ATXN1: variants seen among roughly 807,000 people sequenced by gnomAD.
ATXN1 encodes the protein ataxin 1.
In ATXN1, 8 loss-of-function variants were observed where a neutral mutation model predicts 56.4. That is an observed-to-expected ratio of 0.14 (90% CI 0.08 to 0.26). The LOEUF (loss-of-function observed/expected upper bound fraction) is 0.26, where lower values mean the gene tolerates loss of function less well. ATXN1 is among the 10% of genes least tolerant of loss of function. The pLI is 1.00. For missense variants in ATXN1, 987 were observed against 1,106.5 expected (o/e 0.89, Z 1.53); for synonymous variants, 514 against 494.6 (o/e 1.04, Z -0.52).
At chr6:16,689,948 A>G (rs1219874941) in intron 2 of ATXN1, among the ~76,000 whole-genome samples, 2 of 152,104 alleles carry the variant, frequency 1.3e-5, no homozygotes, top group Non-Finnish European at 2.9e-5. Context: ...TTTTTGACAA[A>G]TTCCTCATTT....
At chr6:16,704,247 C>A (rs1759357127) in intron 2 of ATXN1, among the ~76,000 whole-genome samples, 1 of 152,164 alleles carries the variant, frequency 6.6e-6, no homozygotes, top group African/African-American at 2.4e-5. Context: ...AGTACAGTTT[C>A]CATTTCTACT....
intron 1 of ATXN1, among the ~76,000 whole-genome samples, chr6:16,756,716 G>T (rs1414901653): frequency 2.0e-5 from 3 of 152,148 alleles, no homozygotes; most frequent in Admixed American, 2.0e-4. Flanking sequence ...CTTTACCGAT[G>T]CAAGTATTTA....
intron 3 of ATXN1, among the ~76,000 whole-genome samples, chr6:16,650,608 T>C (rs1429468229): frequency 6.6e-6 from 1 of 152,252 alleles, no homozygotes; most frequent in African/African-American, 2.4e-5. Flanking sequence ...AGCTGCCTTC[T>C]TCCATATTTT....
rs780309552 is a variant in ATXN1, at chr6:16,669,294, G to A, written c.-614-11393C>T. 2.0e-5 allele frequency among the ~76,000 whole-genome samples: 3 copies of A among 152,078 alleles called. No homozygotes were observed. In the East Asian group the frequency reaches 5.8e-4, roughly 29 times the overall value. On this transcript the variant is annotated intron_variant, in intron 2 of 7. Transcript: ENST00000436367. The stretch of plus-strand genomic sequence containing the variant: ...TTGAATGGTGCATTTCCATTTGTAA[G>A]CTCCATTTATAGAATCACACAAGTT...
chr6:16,552,791 C>T (rs1761945414), intron 4 of ATXN1, among the ~76,000 whole-genome samples: 1 of 152,178 alleles, frequency 6.6e-6, no homozygotes, highest in South Asian at 2.1e-4. Flanking sequence ...CCTGCTGGTC[C>T]ATGTCAATGA....
chr6:16,757,539 A>G (rs1402188410), intron 1 of ATXN1, among the ~76,000 whole-genome samples: 1 of 152,322 alleles, frequency 6.6e-6, no homozygotes, highest in East Asian at 1.9e-4. Flanking sequence ...CCAGGCCACA[A>G]TGAATTTACC....
intron 5 of ATXN1, among the ~76,000 whole-genome samples, chr6:16,491,051 C>T (rs1224512486): frequency 1.3e-5 from 2 of 149,612 alleles, no homozygotes; most frequent in East Asian, 3.9e-4. Context: ...AGTAAAGTCC[C>T]TTGGATTTAG....
At chr6:16,478,631 T>C (rs1300284716) in intron 6 of ATXN1, among the ~76,000 whole-genome samples, 1 of 151,792 alleles carries the variant, frequency 6.6e-6, no homozygotes, top group African/African-American at 2.4e-5. Flanking sequence ...GCAGGGTGAG[T>C]TTTACAATGC....
chr6:16,691,105 G>C (rs968230846), intron 2 of ATXN1, among the ~76,000 whole-genome samples: 10 of 152,190 alleles, frequency 6.6e-5, no homozygotes, highest in African/African-American at 1.7e-4. Context: ...CCACCTTCAT[G>C]CATTCTGCAG....
chr6:16,729,825 T>C (rs1355280085), intron 2 of ATXN1, among the ~76,000 whole-genome samples: 1 of 152,182 alleles, frequency 6.6e-6, no homozygotes, highest in Non-Finnish European at 1.5e-5. Flanking sequence ...ACAGAGAAAA[T>C]GGCCCTCTGA....
intron 3 of ATXN1, among the ~76,000 whole-genome samples, chr6:16,602,677 CTT>C (rs1264242131): frequency 1.3e-5 from 2 of 152,176 alleles, no homozygotes; most frequent in Non-Finnish European, 2.9e-5. Flanking sequence ...GTCTTGATCT[CTT>C]GACCTCATGA....
chr6:16,587,274 C>T (rs896154925), intron 3 of ATXN1, among the ~76,000 whole-genome samples: 6 of 152,090 alleles, frequency 3.9e-5, no homozygotes, highest in Non-Finnish European at 7.4e-5. Flanking sequence ...CCTGCCTAAG[C>T]GGCTAAATTT....
At chr6:16,367,399 C>A (rs868681765) in intron 6 of ATXN1, among the ~76,000 whole-genome samples, 1 of 152,018 alleles carries the variant, frequency 6.6e-6, no homozygotes, top group South Asian at 2.1e-4. Context: ...CAGACACACA[C>A]ACAATCAGTG....
At chr6:16,426,846 G>T (rs554407038) in intron 6 of ATXN1, among the ~76,000 whole-genome samples, 3 of 147,338 alleles carry the variant, frequency 2.0e-5, no homozygotes, top group African/African-American at 7.5e-5. Context: ...TTGTCCTGTG[G>T]AACTATAAGA....
chr6:16,621,652 G>T lies in ATXN1; in HGVS notation c.-488-35745C>A, dbSNP rs9464928. Among the ~76,000 whole-genome samples, 766 of 152,332 alleles carry T rather than the reference G, an allele frequency of 5.0e-3. 4 individuals are homozygous for T. The highest frequency in any genetic ancestry group is 0.017 in the African/African-American group (721 of 41,582). ...TTGAACCCGGGAGGCAATGGAGGTTGCAGTGAGCCAAGATCGTGCCACTGC... is the reference window on the plus strand; with the variant it reads ...TTGAACCCGGGAGGCAATGGAGGTTTCAGTGAGCCAAGATCGTGCCACTGC... On this transcript the variant is annotated intron_variant, in intron 3 of 7. Transcript: ENST00000436367.
chr6:16,361,107 G>A (rs753198741), intron 6 of ATXN1, among the ~76,000 whole-genome samples: 6 of 152,172 alleles, frequency 3.9e-5, no homozygotes, highest in Non-Finnish European at 8.8e-5. Flanking sequence ...AGCCCCTATG[G>A]AGAATAAGTA....
chr6:16,666,957 A>G (rs1581346871), intron 2 of ATXN1: 1 of 152,218 alleles, frequency 6.6e-6, no homozygotes, highest in African/African-American at 2.4e-5. Context: ...AACTAGGTAA[A>G]TTATAAATCA....
intron 6 of ATXN1, among the ~76,000 whole-genome samples, chr6:16,442,820 T>C (rs1355947391): frequency 6.6e-6 from 1 of 152,116 alleles, no homozygotes; most frequent in Non-Finnish European, 1.5e-5. Context: ...GAGACTAGCC[T>C]GGCCAACATG....
At chr6:16,498,319 A>G (rs1275995649) in intron 5 of ATXN1, among the ~76,000 whole-genome samples, 1 of 152,226 alleles carries the variant, frequency 6.6e-6, no homozygotes, top group Non-Finnish European at 1.5e-5. Context: ...ATGTACCAGT[A>G]CTTCATTCTT....
Sources: gnomAD v4.1 joint callset for allele counts (sites outside exome capture counted in the v4.1 genomes callset) on GRCh38, gnomAD v4.1.1 for gene constraint, MANE v1.5 for transcripts, NCBI Gene and HGNC (gene_info 2026-07-23, HGNC 2026-07-21) for gene names.